MAP3K13: variants seen among roughly 807,000 people sequenced by gnomAD.
MAP3K13 encodes leucine zipper-bearing kinase.
A neutral mutation model predicts 104.0 loss-of-function variants in MAP3K13; 52 were observed. The ratio of observed to expected loss-of-function variants is 0.50; its 90% CI spans 0.40 to 0.63. The LOEUF (loss-of-function observed/expected upper bound fraction) is 0.63. MAP3K13 is among the 20% of genes least tolerant of loss of function. The pLI is 0.00. For synonymous variants in MAP3K13, 394 were observed against 442.2 expected, an observed-to-expected ratio of 0.89 and a Z score of 1.37; for missense variants, 914 against 1,218.5, an observed-to-expected ratio of 0.75 and a Z score of 3.72.
chr3:185,387,086 A>G (rs1711742443), intron 1 of MAP3K13, among the ~76,000 whole-genome samples: 5 of 152,206 alleles, frequency 3.3e-5, no homozygotes, highest in Admixed American at 3.3e-4. Flanking sequence ...AAGAAAGGAA[A>G]AATAAATAAA....
chr3:185,283,521 C>T (rs1049509675), intron 1 of MAP3K13, among the ~76,000 whole-genome samples: 1 of 152,182 alleles, frequency 6.6e-6, no homozygotes, highest in Non-Finnish European at 1.5e-5. Context: ...CTGTTTCTGG[C>T]TTCCCGGCAG....
intron 2 of MAP3K13, among the ~76,000 whole-genome samples, chr3:185,321,136 G>A (rs1382548669): frequency 3.3e-5 from 5 of 149,742 alleles, no homozygotes; most frequent in Non-Finnish European, 4.4e-5. Flanking sequence ...ATACACATGT[G>A]TATATTACAT....
chr3:185,403,751 A>G (rs915089158), intron 1 of MAP3K13, among the ~76,000 whole-genome samples: 3 of 152,250 alleles, frequency 2.0e-5, no homozygotes, highest in Non-Finnish European at 4.4e-5. Context: ...ATATACAGAT[A>G]AACCTAATGG....
intron 2 of MAP3K13, among the ~76,000 whole-genome samples, chr3:185,335,794 A>AT (rs1722480306): frequency 6.6e-6 from 1 of 152,004 alleles, no homozygotes; most frequent in South Asian, 2.1e-4. Context: ...TACAGATGCA[A>AT]TTTTTTCCCC....
At chr3:185,412,907 TC>T (rs780051149) in intron 1 of MAP3K13, among the ~76,000 whole-genome samples, 10 of 152,164 alleles carry the variant, frequency 6.6e-5, no homozygotes, top group Non-Finnish European at 1.3e-4. Context: ...CCATTAGCCC[TC>T]CCCTAGGTTT....
At position 185,286,012 on chromosome 3, in the gene MAP3K13, C is replaced by T. The variant is rs77949849; in HGVS notation, c.-86+369C>T. Among the ~76,000 whole-genome samples the T allele has an allele frequency of 6.1e-3, 932 of 152,112 alleles. 20 individuals are homozygous for T. The highest frequency in any genetic ancestry group is 0.03 in the Admixed American group (461 of 15,276). On this transcript the variant is annotated intron_variant, in intron 2 of 14. Coordinates refer to the MAP3K13 transcript ENST00000424227. Reference sequence around the variant, plus strand: ...TTTAAATTATCTTGCATCCAAGTTTCGCTGTGTAATAGTATATGTATCAAA... The same window carrying T: ...TTTAAATTATCTTGCATCCAAGTTTTGCTGTGTAATAGTATATGTATCAAA...
intron 1 of MAP3K13, among the ~76,000 whole-genome samples, chr3:185,368,959 CA>C (rs34049814): frequency 2.4e-4 from 33 of 139,500 alleles, no homozygotes; most frequent in African/African-American, 6.2e-4. Flanking sequence ...AACTCCATCT[CA>C]AAAAAAAAAA....
chr3:185,319,725 A>G (rs979876994), intron 2 of MAP3K13, among the ~76,000 whole-genome samples: 3 of 152,230 alleles, frequency 2.0e-5, no homozygotes, highest in African/African-American at 7.2e-5. Context: ...ATTTAAATCA[A>G]CAAGATTTGA....
intron 7 of MAP3K13, among the ~76,000 whole-genome samples, chr3:185,455,821 G>GAGATATATATATGAT (rs1716675831): frequency 2.0e-5 from 2 of 101,014 alleles, no homozygotes; most frequent in Admixed American, 1.2e-4. Flanking sequence ...ATATATATGA[G>GAGATATATATATGAT]ATATATATGA....
In MAP3K13 at chr3:185,480,512, G is replaced by A. The variant is rs758309416; in HGVS notation, c.2782G>A (p.Glu928Lys). Residue 928 changes from glutamate to lysine, a missense_variant, in exon 13 of 14, where the codon GAG (glutamate) becomes AAG (lysine). Transcript: ENST00000265026. ...GATGTCTCTGGGCAAGCTGTGTGTG[G>A]AGGAACGTGGCTATGAGGTGGGGGC... ...TQMSLGKLCV[E>K]ERGYENPMQF... 34 of 1,613,256 alleles carry A rather than the reference G, an allele frequency of 2.1e-5. No homozygotes were observed. The highest frequency in any genetic ancestry group is 2.7e-5 in the African/African-American group (2 of 74,846).
chr3:185,303,283 C>T (rs1237702953), intron 2 of MAP3K13, among the ~76,000 whole-genome samples: 4 of 152,124 alleles, frequency 2.6e-5, no homozygotes, highest in African/African-American at 9.7e-5. Context: ...GGATATCAGT[C>T]TGTAGTTTTC....
At chr3:185,366,131 G>A (rs1485908674) in intron 1 of MAP3K13, among the ~76,000 whole-genome samples, 1 of 150,994 alleles carries the variant, frequency 6.6e-6, no homozygotes, top group South Asian at 2.1e-4. Context: ...CTAGACAACC[G>A]CCAATCTGCT....
intron 2 of MAP3K13, among the ~76,000 whole-genome samples, chr3:185,334,186 C>T (rs1722386884): frequency 6.6e-6 from 1 of 152,100 alleles, no homozygotes; most frequent in Admixed American, 6.5e-5. Flanking sequence ...ATAGAAAGTG[C>T]AATATATATA....
chr3:185,392,196 G>C (rs1360122873), intron 1 of MAP3K13, among the ~76,000 whole-genome samples: 1 of 152,172 alleles, frequency 6.6e-6, no homozygotes, highest in African/African-American at 2.4e-5. Flanking sequence ...TTATACAGCT[G>C]CTTAAGTAAG....
At position 185,415,333 on chromosome 3, in the gene MAP3K13, T is replaced by C. The variant is rs917248324; in HGVS notation, c.-85-13164T>C. 2.6e-5 allele frequency among the ~76,000 whole-genome samples: 4 copies of C among 151,192 alleles called. No homozygotes were observed. The South Asian group carries it at 6.3e-4, about 24-fold the overall frequency. On this transcript the variant is annotated intron_variant, in intron 1 of 13. Transcript: ENST00000265026. ...ATGCCTAGCTAATTTTTGTTGTGTA[T>C]TTTTAATAGAGATGGGGTTTTCTCA... is the stretch of plus-strand genomic sequence containing the variant.
intron 2 of MAP3K13, among the ~76,000 whole-genome samples, chr3:185,311,346 C>G (rs974844800): frequency 6.6e-6 from 1 of 152,090 alleles, no homozygotes; most frequent in African/African-American, 2.4e-5. Flanking sequence ...AAAGTGAAAA[C>G]CCCTGATAAA....
chr3:185,296,548 C>A (rs9856202), intron 2 of MAP3K13, among the ~76,000 whole-genome samples: 46,085 of 152,144 alleles, frequency 0.3, 8,608 homozygotes, highest in Middle Eastern at 0.45. Context: ...GTGAGGCCCT[C>A]TTTGACCATC....
At chr3:185,375,300 A>G (rs1306833452) in intron 1 of MAP3K13, among the ~76,000 whole-genome samples, 4 of 152,190 alleles carry the variant, frequency 2.6e-5, no homozygotes. Flanking sequence ...TCAATTTGCC[A>G]GTCCTGGGTG....
At chr3:185,290,749 T>C (rs1382803295) in intron 2 of MAP3K13, among the ~76,000 whole-genome samples, 2 of 152,240 alleles carry the variant, frequency 1.3e-5, no homozygotes, top group African/African-American at 4.8e-5. Context: ...ATTAAAGGAA[T>C]TAATCTACAT....
Sources: gnomAD v4.1 joint callset for allele counts (sites outside exome capture counted in the v4.1 genomes callset) on GRCh38, gnomAD v4.1.1 for gene constraint, MANE v1.5 for transcripts, NCBI Gene and HGNC (gene_info 2026-07-23, HGNC 2026-07-21) for gene names.